The following PALD1 variants were observed in gnomAD, a reference collection of about 807,000 sequenced individuals.
PALD1 encodes the protein paladin.
Under a neutral mutation model 96.0 loss-of-function variants are expected in PALD1, and 57 were observed. That is an observed-to-expected ratio of 0.59 (90% CI 0.48 to 0.74). The LOEUF (loss-of-function observed/expected upper bound fraction) is 0.74. PALD1 is among the 30% of genes least tolerant of loss of function. The probability of loss-of-function intolerance (pLI) is 0.00; values close to 1 mark genes in which losing one functional copy is unlikely to be tolerated. For synonymous variants in PALD1, 464 were observed against 473.6 expected (o/e 0.98, Z 0.26); for missense variants, 1,063 against 1,143.7 (o/e 0.93, Z 1.02).
At chr10:70,529,452 G>C in intron 3 of PALD1, 121 bp downstream of exon 3, 1 of 630,058 alleles carries the variant, frequency 1.6e-6, no homozygotes, top group Admixed American at 2.3e-5. Flanking sequence ...CCCATTTTCA[G>C]AACGGGCAGG....
At chr10:70,512,449 G>A (rs1427838477) in intron 1 of PALD1, among the ~76,000 whole-genome samples, 1 of 152,240 alleles carries the variant, frequency 6.6e-6, no homozygotes. Flanking sequence ...GGGAAGCAGG[G>A]GCTGAGCCCG....
intron 9 of PALD1, 42 bp from the exon 10 acceptor site, chr10:70,534,697 C>T (rs750852438): frequency 8.2e-7 from 1 of 1,226,578 alleles, no homozygotes; most frequent in South Asian, 1.2e-5. Context: ...CTGCTCCCCA[C>T]CCCCCCACCT....
chr10:70,485,017 C>T (rs999439582), intron 1 of PALD1, among the ~76,000 whole-genome samples: 1 of 152,054 alleles, frequency 6.6e-6, no homozygotes, highest in African/African-American at 2.4e-5. Flanking sequence ...GAAAGAAATC[C>T]CATTTTTAGC....
At chr10:70,482,555 G>A (rs913399248) in intron 1 of PALD1, among the ~76,000 whole-genome samples, 2 of 152,218 alleles carry the variant, frequency 1.3e-5, no homozygotes, top group Non-Finnish European at 2.9e-5. Context: ...AGGTCTGGAA[G>A]CACTGGCCTT....
At chr10:70,463,256 T>C in the PALD1 span, among the ~76,000 whole-genome samples, 1 of 151,880 alleles carries the variant, frequency 6.6e-6, no homozygotes, top group Non-Finnish European at 1.5e-5. Flanking sequence ...TGCAAAAAAT[T>C]AGCCGGGCAT....
chr10:70,548,189 C>T (rs938241313), intron 18 of PALD1, among the ~76,000 whole-genome samples: 2 of 151,944 alleles, frequency 1.3e-5, no homozygotes, highest in African/African-American at 4.8e-5. Context: ...CCTGTAGTCC[C>T]AGCTACTCGG....
At chr10:70,510,786 A>G (rs936388392) in intron 1 of PALD1, among the ~76,000 whole-genome samples, 2 of 152,216 alleles carry the variant, frequency 1.3e-5, no homozygotes, top group African/African-American at 4.8e-5. Context: ...AGTAGAGGCC[A>G]GGTCTCTATC....
chr10:70,527,493 C>T (rs1266236421), intron 2 of PALD1, among the ~76,000 whole-genome samples: 1 of 152,202 alleles, frequency 6.6e-6, no homozygotes, highest in African/African-American at 2.4e-5. Flanking sequence ...CACTTCCTTT[C>T]ACTTACATAG....
chr10:70,500,186 T>C (rs538067617), intron 1 of PALD1, among the ~76,000 whole-genome samples: 2 of 152,246 alleles, frequency 1.3e-5, no homozygotes, highest in African/African-American at 2.4e-5. Context: ...CGTGGTACTA[T>C]TGGAACTGTG....
upstream of PALD1, among the ~76,000 whole-genome samples, chr10:70,478,183 A>G (rs574037652): frequency 4.0e-5 from 6 of 151,716 alleles, no homozygotes; most frequent in South Asian, 1.0e-3. Flanking sequence ...TTTCCTTAGG[A>G]CCCCGGGGCG....
At chr10:70,544,725 C>T (rs1347534089) in intron 17 of PALD1, among the ~76,000 whole-genome samples, 1 of 152,118 alleles carries the variant, frequency 6.6e-6, no homozygotes, top group African/African-American at 2.4e-5. Context: ...TCTGAGGTGG[C>T]CCCCAGAGGA....
chr10:70,521,560 T>C (rs878865723), intron 1 of PALD1, among the ~76,000 whole-genome samples: 17 of 151,556 alleles, frequency 1.1e-4, no homozygotes, highest in Admixed American at 8.6e-4. Flanking sequence ...CGAGATGGAG[T>C]CTTGCTCTGT....
chr10:70,472,007 G>T, the PALD1 span, among the ~76,000 whole-genome samples: 4 of 152,152 alleles, frequency 2.6e-5, no homozygotes, highest in Non-Finnish European at 5.9e-5. Context: ...CAAGTCTGGG[G>T]GCCTCGGCCT....
intron 1 of PALD1, among the ~76,000 whole-genome samples, chr10:70,524,081 G>A (rs1275593755): frequency 6.6e-6 from 1 of 152,206 alleles, no homozygotes; most frequent in Admixed American, 6.5e-5. Flanking sequence ...GGGCTGGGGG[G>A]AGTGTGGATG....
At chr10:70,506,738 C>T (rs755749785) in intron 1 of PALD1, among the ~76,000 whole-genome samples, 25 of 152,278 alleles carry the variant, frequency 1.6e-4, no homozygotes, top group South Asian at 1.5e-3. Context: ...AGGGAGGGCA[C>T]GACTCATCGA....
At chr10:70,517,834 C>T (rs893669034) in intron 1 of PALD1, among the ~76,000 whole-genome samples, 34 of 152,078 alleles carry the variant, frequency 2.2e-4, no homozygotes, top group African/African-American at 6.5e-4. Context: ...TTGTTTCTCT[C>T]GGTAATAGTT....
intron 1 of PALD1, among the ~76,000 whole-genome samples, chr10:70,489,933 T>C (rs1343457477): frequency 1.3e-5 from 2 of 151,734 alleles, no homozygotes; most frequent in African/African-American, 4.8e-5. Flanking sequence ...CTCTCTCTTT[T>C]TTTTCTTGAG....
intron 1 of PALD1, among the ~76,000 whole-genome samples, chr10:70,497,947 A>T (rs1276181155): frequency 6.6e-6 from 1 of 152,154 alleles, no homozygotes; most frequent in Non-Finnish European, 1.5e-5. Context: ...AAAATTTACC[A>T]TTTTGGGCGT....
At chr10:70,536,892 G>T (rs368066159) in intron 10 of PALD1, among the ~76,000 whole-genome samples, 1 of 152,154 alleles carries the variant, frequency 6.6e-6, no homozygotes, top group Non-Finnish European at 1.5e-5. Flanking sequence ...GGCCCTTGGG[G>T]TTCTCTCGGA....
Sources: gnomAD v4.1 joint callset for allele counts (sites outside exome capture counted in the v4.1 genomes callset) on GRCh38, gnomAD v4.1.1 for gene constraint, MANE v1.5 for transcripts, NCBI Gene and HGNC (gene_info 2026-07-23, HGNC 2026-07-21) for gene names.